Variants in EDRF1 observed in about 807,000 individuals in gnomAD.
EDRF1 encodes the protein erythroid differentiation regulatory factor 1.
Under a neutral mutation model 148.7 loss-of-function variants are expected in EDRF1, and 69 were observed. That is an observed-to-expected ratio of 0.46 (90% CI 0.38 to 0.57). The LOEUF (loss-of-function observed/expected upper bound fraction) is 0.57, where lower values mean the gene tolerates loss of function less well. EDRF1 is among the 20% of genes least tolerant of loss of function. The probability of loss-of-function intolerance (pLI) is 0.00; values close to 1 mark genes in which losing one functional copy is unlikely to be tolerated. For synonymous variants in EDRF1, 515 were observed against 532.8 expected (o/e 0.97, Z 0.46); for missense variants, 1,118 against 1,478.7 (o/e 0.76, Z 4.00).
chr10:125,736,490 A>G (rs11244626), intron 13 of EDRF1, among the ~76,000 whole-genome samples: 93,993 of 151,928 alleles, frequency 0.62, 32,003 homozygotes, highest in East Asian at 0.79. Context: ...CCGTCTCCCT[A>G]TGATTAGATC....
rs953279084 is a variant in EDRF1, at chr10:125,740,883, CAGAAT to C, written c.2171-114_2171-110del. The stretch of plus-strand genomic sequence containing the variant: ...TATGTATTGTTGGACCTAAAATAAA[CAGAAT>C]AGATACAGTGCTACAAAGCGTTCAG... On this transcript the variant is annotated intron_variant, in intron 16 of 24. Coordinates refer to ENST00000356792, the MANE Select transcript of EDRF1 (RefSeq NM_001202438.2). The C allele has an allele frequency of 2.5e-6, 3 of 1,202,374 alleles. No individual in the cohort carries two copies. The African/African-American group carries it at 4.5e-5, about 18-fold the overall frequency. The allele number at this position is 1,202,374 out of a possible 1,614,324, so 74.5% of individuals were successfully genotyped here. A position where few individuals can be genotyped will look rare whatever the true frequency, so the allele number is the denominator to read the frequency against.
intron 1 of EDRF1, 123 bp from the exon 2 acceptor site, chr10:125,721,081 A>G: frequency 1.1e-6 from 1 of 882,842 alleles, no homozygotes; most frequent in Non-Finnish European, 1.9e-6. Flanking sequence ...AAGTGCTGTT[A>G]GTAACATGTG....
rs765391196 is a variant in EDRF1, at chr10:125,733,629, T to G, written c.1277-6T>G. 3 of 1,613,486 alleles carry G rather than the reference T, an allele frequency of 1.9e-6. No homozygotes were observed. Among genetic ancestry groups the G allele is most frequent in the Admixed American group, 1.7e-5 (1 of 60,004 alleles). On this transcript the variant is annotated splice_polypyrimidine_tract_variant and splice_region_variant and intron_variant, in intron 10 of 24. Transcript: ENST00000356792. Reference sequence around the variant, plus strand: ...TGAAATGAGTCTTCTTTGTTTTTCTTTTCAGCAAGTGGCAGCGATATAGTG... The same window carrying G: ...TGAAATGAGTCTTCTTTGTTTTTCTGTTCAGCAAGTGGCAGCGATATAGTG...
At position 125,745,858 on chromosome 10, in the gene EDRF1, G is replaced by A. The variant is rs531982054; in HGVS notation, c.2742G>A (p.Ala914=). The A allele has an allele frequency of 1.2e-4, 196 of 1,614,208 alleles. 1 individual carries two copies. In the South Asian group the frequency reaches 1.5e-3, roughly 12 times the overall value. Residue 914 remains alanine, a synonymous_variant, in exon 19 of 25, where the codon GCG becomes GCA. Coordinates refer to ENST00000356792, the MANE Select transcript of EDRF1 (RefSeq NM_001202438.2). ...CGGGAAGGCTCATGCGGATTTGTGCGCAGGCCCACTGTGGTGCAGGGGATG... is the reference window on the plus strand; with the variant it reads ...CGGGAAGGCTCATGCGGATTTGTGCACAGGCCCACTGTGGTGCAGGGGATG... ...CNTGRLMRIC[A]QAHCGAGDEL...
chr10:125,748,259 C>G (rs1371637751), intron 21 of EDRF1: 11 of 554,090 alleles, frequency 2.0e-5, no homozygotes, highest in Non-Finnish European at 3.6e-5. Context: ...TACTGCCTGT[C>G]ACTTAACATC....
At chr10:125,746,959 TTGG>T (rs1355928022) in intron 19 of EDRF1, 1 of 154,328 alleles carries the variant, frequency 6.5e-6, no homozygotes, top group Non-Finnish European at 1.4e-5. Flanking sequence ...GTGAAGAATG[TTGG>T]TGGCATAAAT....
intron 22 of EDRF1, chr10:125,750,304 G>T (rs1408461593): frequency 6.6e-6 from 1 of 152,358 alleles, no homozygotes; most frequent in East Asian, 1.9e-4. Context: ...CCTGACCGAG[G>T]TCAAGATAAG....
At chr10:125,754,400 A>G (rs986503005) in intron 24 of EDRF1, among the ~76,000 whole-genome samples, 1 of 152,170 alleles carries the variant, frequency 6.6e-6, no homozygotes, top group Non-Finnish European at 1.5e-5. Context: ...AAGGGCAAAT[A>G]CTCTGTTGTT....
Position 125,753,716 on chromosome 10 carries a change from C to T in EDRF1, c.3416C>T (p.Ala1139Val), listed in dbSNP as rs765328008. 3.7e-6 allele frequency: 6 copies of T among 1,614,052 alleles called. No homozygotes were observed. The highest frequency in any genetic ancestry group is 5.1e-6 in the Non-Finnish European group (6 of 1,180,014). ...TAGCCTAAGAGTGGTGACGCCGCTG[C>T]AGCTGCTGATGCTTCTCCTAGTCTC... Reference protein sequence around the residue: ...FGQPKSGDAAAAADASPSLNR... With the variant: ...FGQPKSGDAAVAADASPSLNR... Residue 1139 changes from alanine to valine, a missense_variant, in exon 24 of 25, where the codon GCA becomes GTA. By Grantham distance (64) the Ala-to-Val change is moderately conservative (BLOSUM62 0). This residue lies in a region of EDRF1 where 954 missense variants were observed against 1,241.4 expected (regional missense o/e 0.77). Transcript: ENST00000356792.
chr10:125,732,857 T>A (rs1848540007), intron 9 of EDRF1, among the ~76,000 whole-genome samples: 1 of 152,080 alleles, frequency 6.6e-6, no homozygotes, highest in Non-Finnish European at 1.5e-5. Flanking sequence ...CCATGAAGCC[T>A]TTACTCTTAT....
At chr10:125,735,430 C>T (rs936302980) in intron 12 of EDRF1, among the ~76,000 whole-genome samples, 6 of 151,916 alleles carry the variant, frequency 3.9e-5, no homozygotes, top group Non-Finnish European at 7.4e-5. Context: ...GGAGTAATTT[C>T]GGGAAATAGG....
chr10:125,747,350 A>G, intron 19 of EDRF1, 186 bp from the exon 20 acceptor site: 1 of 702,772 alleles, frequency 1.4e-6, no homozygotes, highest in Non-Finnish European at 2.4e-6. Context: ...GTCTACTCGG[A>G]ATAACTTTCT....
chr10:125,721,211 C>G lies in EDRF1; in HGVS notation c.116C>G (p.Ala39Gly). 6.2e-7 allele frequency: 1 copy of G among 1,614,104 alleles called. No individual in the cohort carries two copies. Residue 39 changes from alanine to glycine, a missense_variant, in exon 2 of 25, where the codon GCT (alanine) becomes GGT (glycine). Ala to Gly is a moderately conservative substitution (Grantham distance 60). Transcript: ENST00000356792. ...ESEESSAQGS[A>G]LFLGGNEVKS... ...ACCCAATGTGTTAATTAGGGATCAG[C>G]TTTATTTCTTGGAGGCAATGAAGTG...
At chr10:125,752,734 A>G in intron 22 of EDRF1, 65 bp from the exon 23 acceptor site, 1 of 1,093,072 alleles carries the variant, frequency 9.1e-7, no homozygotes, top group South Asian at 1.3e-5. Context: ...TCATTAATAC[A>G]TTAACATTAG....
At position 125,735,798 on chromosome 10, in the gene EDRF1, A is replaced by G. The variant is rs1370944309; in HGVS notation, c.1652A>G (p.Tyr551Cys). 20 of 1,613,774 alleles carry G rather than the reference A, an allele frequency of 1.2e-5. No individual in the cohort carries two copies. Among genetic ancestry groups the G allele is most frequent in the East Asian group, 6.7e-5 (3 of 44,880 alleles). ...EMPDSDENGS[Y>C]STSSDPSDDS... is the part of the protein sequence containing the mutation. ...CCCGACAGTGATGAAAATGGATCCT[A>G]TAGCACCAGCTCTGATCCATCAGAT... is the stretch of plus-strand genomic sequence containing the variant. Residue 551 changes from tyrosine to cysteine, a missense_variant, in exon 13 of 25, where the codon TAT becomes TGT. Physicochemically the swap from Tyr to Cys is radical, Grantham distance 194. Coordinates refer to ENST00000356792, the MANE Select transcript of EDRF1 (RefSeq NM_001202438.2).
intron 18 of EDRF1, 193 bp from the exon 19 acceptor site, chr10:125,745,514 T>C (rs1157062607): frequency 1.6e-6 from 1 of 622,086 alleles, no homozygotes. Context: ...GGCTTCAACA[T>C]ATGAACTCAT....
At chr10:125,732,060 T>TG (rs1848503398) in intron 9 of EDRF1, 1 of 263,676 alleles carries the variant, frequency 3.8e-6, no homozygotes, top group Admixed American at 4.0e-5. Flanking sequence ...GAATCACTTG[T>TG]GGTCTCTGAA....
intron 24 of EDRF1, among the ~76,000 whole-genome samples, chr10:125,755,629 T>C (rs1349978342): frequency 6.6e-6 from 1 of 152,254 alleles, no homozygotes; most frequent in Admixed American, 6.5e-5. Flanking sequence ...ACCTGGAGTT[T>C]ACTTTGTTGG....
Position 125,721,193 on chromosome 10 carries a change from G to A in EDRF1, c.109-11G>A, listed in dbSNP as rs1387239241. The A allele has an allele frequency of 3.1e-6, 5 of 1,612,420 alleles. No homozygotes were observed. In the South Asian group the frequency reaches 3.3e-5, roughly 11 times the overall value. On this transcript the variant is annotated splice_polypyrimidine_tract_variant and intron_variant, in intron 1 of 24. Coordinates refer to ENST00000356792, the MANE Select transcript of EDRF1 (RefSeq NM_001202438.2). ...AATTTTCATTAAAGTTTCACCCAAT[G>A]TGTTAATTAGGGATCAGCTTTATTT...
Sources: gnomAD v4.1 joint callset for allele counts (sites outside exome capture counted in the v4.1 genomes callset) on GRCh38, gnomAD v4.1.1 for gene constraint, gnomAD v4.1.1 regional missense constraint, MANE v1.5 for transcripts, NCBI Gene and HGNC (gene_info 2026-07-23, HGNC 2026-07-21) for gene names.